The following PRKCI variants were observed in gnomAD, a reference collection of about 807,000 sequenced individuals.
The protein encoded by PRKCI is protein kinase C iota.
In PRKCI, 43 loss-of-function variants were observed where a neutral mutation model predicts 84.0. The ratio of observed to expected loss-of-function variants is 0.51; its 90% confidence interval spans 0.40 to 0.66. The LOEUF (loss-of-function observed/expected upper bound fraction) is 0.66, where lower values mean the gene tolerates loss of function less well. PRKCI is among the 30% of genes least tolerant of loss of function. PRKCI has a pLI of 0.00. For synonymous variants in PRKCI, 216 were observed against 234.4 expected, an observed-to-expected ratio of 0.92 and a Z score of 0.72; for missense variants, 459 against 745.6, an observed-to-expected ratio of 0.62 and a Z score of 4.48.
chr3:170,273,384 G>A (rs1734043065), intron 7 of PRKCI, 44 bp downstream of exon 7: 2 of 1,575,854 alleles, frequency 1.3e-6, no homozygotes, highest in African/African-American at 1.4e-5. Context: ...TCACAGAGTA[G>A]CATGTAAAGA....
chr3:170,291,717 G>A (rs1417999842), intron 12 of PRKCI, 137 bp from the exon 13 acceptor site: 3 of 643,022 alleles, frequency 4.7e-6, no homozygotes, highest in East Asian at 2.9e-5. Flanking sequence ...AATAATAAAG[G>A]CAATTGTTCT....
chr3:170,228,013 T>C (rs78878889), intron 1 of PRKCI, among the ~76,000 whole-genome samples: 4,291 of 152,264 alleles, frequency 0.028, 205 homozygotes, highest in African/African-American at 0.098. Flanking sequence ...CATAGGTTTC[T>C]CGTTTAAGAG....
chr3:170,288,624 C>T (rs1734461189), intron 12 of PRKCI, among the ~76,000 whole-genome samples: 2 of 152,164 alleles, frequency 1.3e-5, no homozygotes, highest in African/African-American at 4.8e-5. Context: ...TGGCGAGTGC[C>T]TGTAATCCCA....
At chr3:170,247,730 C>CA (rs72411481) in intron 2 of PRKCI, among the ~76,000 whole-genome samples, 1,645 of 27,874 alleles carry the variant, frequency 0.059, 282 homozygotes, top group African/African-American at 0.089. Flanking sequence ...AACTCTGTCT[C>CA]AAAAAAAAAA....
Position 170,304,300 on chromosome 3 carries a change from C to A in PRKCI, c.*1173C>A, listed in dbSNP as rs1431000408. 1.3e-5 allele frequency: 2 copies of A among 152,118 alleles called. No individual in the cohort carries two copies. Among genetic ancestry groups the A allele is most frequent in the African/African-American group, 4.8e-5 (2 of 41,436 alleles). 9.4% of individuals were successfully genotyped at this position (152,118 alleles called of 1,614,324 possible). Reference sequence around the variant, plus strand: ...TTTTATTTCCTATTGGAGAGTGAATCCCCACAGTTGCTTTTTGTGACTTGA... The same window carrying A: ...TTTTATTTCCTATTGGAGAGTGAATACCCACAGTTGCTTTTTGTGACTTGA... On this transcript the variant is annotated 3_prime_UTR_variant, in exon 18 of 18. Coordinates refer to ENST00000295797, the MANE Select transcript of PRKCI (RefSeq NM_002740.6).
Position 170,235,299 on chromosome 3 carries a change from G to A in PRKCI, c.171G>A (p.Met57Ile). The change falls in exon 2 of 18, where the codon ATG (methionine) becomes ATA (isoleucine). Residue 57 changes from methionine (M) to isoleucine (I), a missense_variant. Met to Ile is a conservative substitution (Grantham distance 10, BLOSUM62 1). Around this residue, in one of 2 missense-constraint regions of PRKCI, gnomAD observed 250 missense variants for 319.7 expected, o/e 0.78. Transcript: ENST00000295797. The stretch of plus-strand genomic sequence containing the variant: ...GCCTTTGCAATGAGGTTCGAGACAT[G>A]TGTTCTTTTGACAACGAACAGCTCT... ...FEGLCNEVRD[M>I]CSFDNEQLFT... 6.2e-7 allele frequency: 1 copy of A among 1,614,066 alleles called. No individual in the cohort carries two copies. Among genetic ancestry groups the A allele is most frequent in the Non-Finnish European group, 8.5e-7 (1 of 1,179,972 alleles).
intron 2 of PRKCI, among the ~76,000 whole-genome samples, chr3:170,259,096 A>T (rs575213742): frequency 4.4e-4 from 67 of 152,204 alleles, no homozygotes; most frequent in African/African-American, 1.4e-3. Flanking sequence ...GTGGGCCAAG[A>T]TAACACCATT....
chr3:170,293,721 C>T (rs978683001), intron 14 of PRKCI, among the ~76,000 whole-genome samples: 3 of 152,114 alleles, frequency 2.0e-5, no homozygotes, highest in Non-Finnish European at 4.4e-5. Context: ...GGCGCAATCT[C>T]GGCTCCATGC....
chr3:170,287,269 G>C (rs1004198565), intron 12 of PRKCI, among the ~76,000 whole-genome samples: 2 of 151,872 alleles, frequency 1.3e-5, no homozygotes, highest in African/African-American at 4.8e-5. Context: ...GCTGTAGTGA[G>C]CTGTAATCGC....
At chr3:170,293,542 A>G (rs756049997) in intron 14 of PRKCI, 34 bp downstream of exon 14, 293 of 1,599,844 alleles carry the variant, frequency 1.8e-4, no homozygotes, top group Non-Finnish European at 2.4e-4. Context: ...ATTCTCTGAG[A>G]AAAACCTATT....
intron 8 of PRKCI, among the ~76,000 whole-genome samples, chr3:170,278,776 C>A (rs1302710812): frequency 6.6e-6 from 1 of 152,214 alleles, no homozygotes; most frequent in African/African-American, 2.4e-5. Context: ...GCATCTGCTT[C>A]TCAGGAAGCT....
chr3:170,240,811 T>C (rs1484234827), intron 2 of PRKCI, among the ~76,000 whole-genome samples: 1 of 152,220 alleles, frequency 6.6e-6, no homozygotes. Context: ...TTCATCTGTT[T>C]AAAGAGATTT....
intron 17 of PRKCI, among the ~76,000 whole-genome samples, chr3:170,301,914 C>T (rs1357127805): frequency 6.6e-6 from 1 of 152,144 alleles, no homozygotes; most frequent in African/African-American, 2.4e-5. Flanking sequence ...CACATCTGCT[C>T]CAGCCTGACT....
At chr3:170,236,255 C>T (rs986820123) in intron 2 of PRKCI, among the ~76,000 whole-genome samples, 26 of 151,274 alleles carry the variant, frequency 1.7e-4, no homozygotes, top group African/African-American at 5.8e-4. Context: ...GGTGCACCAC[C>T]ACACCCAGAT....
At chr3:170,244,666 T>G (rs1733223658) in intron 2 of PRKCI, 1 of 152,080 alleles carries the variant, frequency 6.6e-6, no homozygotes, top group African/African-American at 2.4e-5. Flanking sequence ...AGAGGCAGAT[T>G]AATTGGAGAA....
chr3:170,232,106 A>C (rs939111171), intron 1 of PRKCI, among the ~76,000 whole-genome samples: 1 of 151,918 alleles, frequency 6.6e-6, no homozygotes, highest in Non-Finnish European at 1.5e-5. Context: ...GGCTGAGTAC[A>C]GTGGTGTAAT....
rs562361876 is a variant in PRKCI, at chr3:170,298,120, G to A, written c.1587+727G>A. Among the ~76,000 whole-genome samples, 317 of 151,352 alleles carry A rather than the reference G, an allele frequency of 2.1e-3. 3 individuals carry two copies. The highest frequency in any genetic ancestry group is 4.0e-3 in the Non-Finnish European group (273 of 67,798). On this transcript the variant is annotated intron_variant, in intron 16 of 17. Transcript: ENST00000295797. Reference sequence around the variant, plus strand: ...ACTCTTGACCTCAAGTGATCCACCCGCCTCAGCCTCCCAAAGTGCTGGGAT... The same window carrying A: ...ACTCTTGACCTCAAGTGATCCACCCACCTCAGCCTCCCAAAGTGCTGGGAT...
chr3:170,245,958 T>TTTGTTTGTTTGTTTTTTTG (rs1733271695), intron 2 of PRKCI, among the ~76,000 whole-genome samples: 1 of 111,616 alleles, frequency 9.0e-6, no homozygotes, highest in Non-Finnish European at 2.2e-5. Context: ...TGTTTTTTTT[T>TTTGTTTGTTTGTTTTTTTG]TTTTTTTTTT....
chr3:170,268,944 C>T (rs1733932243), intron 5 of PRKCI, among the ~76,000 whole-genome samples: 1 of 151,910 alleles, frequency 6.6e-6, no homozygotes, highest in Non-Finnish European at 1.5e-5. Context: ...AGACAGAGTC[C>T]CGCTCTATCG....
Sources: gnomAD v4.1 joint callset for allele counts (sites outside exome capture counted in the v4.1 genomes callset) on GRCh38, gnomAD v4.1.1 for gene constraint, gnomAD v4.1.1 regional missense constraint, MANE v1.5 for transcripts, NCBI Gene and HGNC (gene_info 2026-07-23, HGNC 2026-07-21) for gene names.